The following XPO1 variants were observed in gnomAD, a reference collection of about 807,000 sequenced individuals.
XPO1 encodes the protein exportin 1.
In XPO1, 5 loss-of-function variants were observed where a neutral mutation model predicts 133.3. The observed-to-expected ratio is 0.04, with a 90% CI of 0.02 to 0.08. The LOEUF (loss-of-function observed/expected upper bound fraction) is 0.08. Among genes scored for constraint, XPO1 ranks in the 10% least tolerant of loss-of-function variants. XPO1 has a pLI of 1.00. For missense variants in XPO1, 506 were observed against 1,267.5 expected (o/e 0.40, Z 9.12); for synonymous variants, 419 against 408.2 (o/e 1.03, Z -0.32).
intron 3 of XPO1, 84 bp from the exon 4 acceptor site, chr2:61,522,767 C>T: frequency 1.1e-6 from 1 of 952,296 alleles, no homozygotes. Context: ...CAGACATTCA[C>T]ACATTTACAT....
chr2:61,527,932 T>TC (rs1491178946), intron 2 of XPO1, among the ~76,000 whole-genome samples: 15 of 143,198 alleles, frequency 1.0e-4, no homozygotes, highest in Non-Finnish European at 1.5e-4. Flanking sequence ...TTTTTCTCTC[T>TC]TTTTTTTTTT....
intron 10 of XPO1, among the ~76,000 whole-genome samples, chr2:61,496,044 C>A (rs887091558): frequency 6.6e-6 from 1 of 152,100 alleles, no homozygotes; most frequent in Non-Finnish European, 1.5e-5. Flanking sequence ...CTCCTAGGTC[C>A]AGTATACCTA....
intron 9 of XPO1, among the ~76,000 whole-genome samples, chr2:61,497,974 T>G (rs1483356781): frequency 1.3e-5 from 2 of 152,202 alleles, no homozygotes; most frequent in Non-Finnish European, 2.9e-5. Flanking sequence ...ACTACGAAGT[T>G]GAAGAGGTCA....
At chr2:61,515,475 T>C (rs1266401567) in intron 4 of XPO1, among the ~76,000 whole-genome samples, 1 of 152,174 alleles carries the variant, frequency 6.6e-6, no homozygotes, top group African/African-American at 2.4e-5. Flanking sequence ...TCAGGATATT[T>C]TGAGACTGGT....
chr2:61,518,250 A>C (rs1285000427), intron 4 of XPO1, among the ~76,000 whole-genome samples: 1 of 151,070 alleles, frequency 6.6e-6, no homozygotes, highest in Non-Finnish European at 1.5e-5. Context: ...GAAACCCTAC[A>C]TCTTTAAAAA....
At chr2:61,521,483 A>G (rs1035977320) in intron 4 of XPO1, among the ~76,000 whole-genome samples, 1 of 152,240 alleles carries the variant, frequency 6.6e-6, no homozygotes, top group African/African-American at 2.4e-5. Flanking sequence ...GCAGTGTATC[A>G]TAACTGAAAT....
intron 24 of XPO1, 138 bp downstream of exon 24, chr2:61,481,047 T>C (rs765551659): frequency 5.9e-6 from 3 of 505,534 alleles, no homozygotes; most frequent in Non-Finnish European, 1.0e-5. Flanking sequence ...GTTTTTTGAT[T>C]ACAGAGATTG....
chr2:61,520,544 C>T (rs944677790), intron 4 of XPO1, among the ~76,000 whole-genome samples: 1 of 151,814 alleles, frequency 6.6e-6, no homozygotes, highest in Non-Finnish European at 1.5e-5. Flanking sequence ...CCCAGCTACT[C>T]GGGAGGCTGA....
At chr2:61,505,392 CT>C (rs146283651) in intron 4 of XPO1, among the ~76,000 whole-genome samples, 45,155 of 135,470 alleles carry the variant, frequency 0.33, 6,731 homozygotes, top group Admixed American at 0.37. Flanking sequence ...AACATTCTCA[CT>C]TTTTTTTTTT....
intron 4 of XPO1, among the ~76,000 whole-genome samples, chr2:61,520,313 A>G (rs1042191736): frequency 6.6e-6 from 1 of 152,200 alleles, no homozygotes; most frequent in Non-Finnish European, 1.5e-5. Context: ...TTGTGAAATA[A>G]ATCTTTAGGT....
intron 4 of XPO1, among the ~76,000 whole-genome samples, chr2:61,502,989 G>A (rs936321695): frequency 5.0e-5 from 7 of 139,770 alleles, no homozygotes; most frequent in Non-Finnish European, 7.5e-5. Context: ...TTTTTGAGAC[G>A]GAGTCCTGTT....
intron 2 of XPO1, among the ~76,000 whole-genome samples, chr2:61,527,289 G>A (rs972912035): frequency 7.0e-6 from 1 of 143,152 alleles, no homozygotes; most frequent in African/African-American, 2.6e-5. Flanking sequence ...GCCAGTCTAG[G>A]TGACAGGCAA....
intron 3 of XPO1, chr2:61,525,272 T>C: frequency 3.0e-6 from 3 of 985,558 alleles, no homozygotes; most frequent in Non-Finnish European, 3.6e-6. Context: ...GGGTAGACCT[T>C]GTGGAGGCCT....
intron 4 of XPO1, among the ~76,000 whole-genome samples, chr2:61,518,230 G>A (rs1032869076): frequency 6.6e-6 from 1 of 151,746 alleles, no homozygotes; most frequent in Admixed American, 6.6e-5. Context: ...TCCAGCCTGA[G>A]CAACAGAGTG....
chr2:61,510,525 A>G (rs1698037747), intron 4 of XPO1, among the ~76,000 whole-genome samples: 1 of 152,202 alleles, frequency 6.6e-6, no homozygotes, highest in Non-Finnish European at 1.5e-5. Context: ...AGAGAAATGG[A>G]TCTATATGCA....
At chr2:61,491,552 A>G (rs1696999293) in intron 16 of XPO1, among the ~76,000 whole-genome samples, 1 of 152,056 alleles carries the variant, frequency 6.6e-6, no homozygotes, top group Admixed American at 6.6e-5. Flanking sequence ...GAATAATTTT[A>G]CATAGGACAA....
intron 4 of XPO1, among the ~76,000 whole-genome samples, chr2:61,503,500 C>A (rs1462552760): frequency 1.3e-5 from 2 of 152,116 alleles, no homozygotes; most frequent in African/African-American, 4.8e-5. Context: ...TCTCGCCTCA[C>A]TGCAAGCTCC....
chr2:61,524,724 C>G (rs1324935721), intron 3 of XPO1, among the ~76,000 whole-genome samples: 1 of 152,202 alleles, frequency 6.6e-6, no homozygotes, highest in Non-Finnish European at 1.5e-5. Context: ...CAAGATCAGC[C>G]TGAGCAACAC....
chr2:61,513,574 C>G (rs1279198166), intron 4 of XPO1, among the ~76,000 whole-genome samples: 1 of 151,498 alleles, frequency 6.6e-6, no homozygotes, highest in Non-Finnish European at 1.5e-5. Flanking sequence ...ATCTGCCTGC[C>G]TCGGCCTCCC....
Sources: gnomAD v4.1 joint callset for allele counts (sites outside exome capture counted in the v4.1 genomes callset) on GRCh38, gnomAD v4.1.1 for gene constraint, MANE v1.5 for transcripts, NCBI Gene and HGNC (gene_info 2026-07-23, HGNC 2026-07-21) for gene names.